ZDHHC21: variants seen among roughly 807,000 people sequenced by gnomAD.
ZDHHC21 encodes the protein palmitoyltransferase ZDHHC21.
In ZDHHC21, 15 loss-of-function variants were observed where a neutral mutation model predicts 34.6. That is an observed-to-expected ratio of 0.43 (90% CI 0.29 to 0.67). ZDHHC21 has a LOEUF of 0.67. Ranked by LOEUF, ZDHHC21 falls within the 30% of genes least tolerant of loss-of-function variation. The pLI is 0.14. For synonymous variants in ZDHHC21, 142 were observed against 101.8 expected (o/e 1.40, Z -2.38); for missense variants, 344 against 327.7 (o/e 1.05, Z -0.38).
intron 7 of ZDHHC21, among the ~76,000 whole-genome samples, chr9:14,641,756 C>G (rs543652059): frequency 6.6e-6 from 1 of 152,174 alleles, no homozygotes. Flanking sequence ...AAGAAAACTT[C>G]AGGTCTTTCT....
At chr9:14,607,071 G>A (rs1008873849), downstream of ZDHHC21, among the ~76,000 whole-genome samples, 2 of 115,658 alleles carry the variant, frequency 1.7e-5, no homozygotes, top group African/African-American at 3.7e-5. Context: ...CCATAGCACT[G>A]TTACTAATAG....
chr9:14,600,261 T>C, the ZDHHC21 span, among the ~76,000 whole-genome samples: 271 of 152,292 alleles, frequency 1.8e-3, 1 homozygote, highest in African/African-American at 6.1e-3. Context: ...AAAACCCCAT[T>C]GACTCAGCCC....
At chr9:14,672,418 A>G (rs947103638) in intron 5 of ZDHHC21, among the ~76,000 whole-genome samples, 1 of 152,118 alleles carries the variant, frequency 6.6e-6, no homozygotes, top group Non-Finnish European at 1.5e-5. Context: ...ATTCGTAACA[A>G]AGGTGAATAA....
At chr9:14,639,847 A>G (rs878879629) in intron 8 of ZDHHC21, 49 bp downstream of exon 8, 1 of 1,090,928 alleles carries the variant, frequency 9.2e-7, no homozygotes. Context: ...TACATTCATA[A>G]TTAGGTAATA....
At chr9:14,630,986 T>C (rs1251675380) in intron 8 of ZDHHC21, among the ~76,000 whole-genome samples, 3 of 152,212 alleles carry the variant, frequency 2.0e-5, no homozygotes, top group Non-Finnish European at 4.4e-5. Flanking sequence ...GAATGGCAAA[T>C]GAGCACTGGC....
chr9:14,629,845 G>A (rs567030031), intron 8 of ZDHHC21, among the ~76,000 whole-genome samples: 4 of 152,176 alleles, frequency 2.6e-5, no homozygotes, highest in East Asian at 1.9e-4. Flanking sequence ...TCAAGCGATC[G>A]ATACCATCCT....
chr9:14,668,156 C>T (rs1043558955), intron 5 of ZDHHC21, among the ~76,000 whole-genome samples: 1 of 114,040 alleles, frequency 8.8e-6, no homozygotes, highest in Non-Finnish European at 1.8e-5. Flanking sequence ...AGCAAAGTCT[C>T]AGGATACAAA....
At chr9:14,602,793 T>A in the ZDHHC21 span, among the ~76,000 whole-genome samples, 8 of 151,944 alleles carry the variant, frequency 5.3e-5, no homozygotes, top group African/African-American at 1.7e-4. Context: ...CACAGTGAAT[T>A]GCACTTATAA....
intron 2 of ZDHHC21, among the ~76,000 whole-genome samples, chr9:14,686,976 A>G (rs1204510617): frequency 1.2e-5 from 1 of 82,410 alleles, no homozygotes; most frequent in Non-Finnish European, 3.1e-5. Context: ...TCATCTCAAA[A>G]AAACAAAAAA....
At chr9:14,591,979 C>A in the ZDHHC21 span, among the ~76,000 whole-genome samples, 1 of 152,010 alleles carries the variant, frequency 6.6e-6, no homozygotes, top group Non-Finnish European at 1.5e-5. Flanking sequence ...ATAGTTGGAT[C>A]TTGCTTTTTA....
the ZDHHC21 span, among the ~76,000 whole-genome samples, chr9:14,603,017 C>T: frequency 2.1e-5 from 3 of 145,764 alleles, no homozygotes; most frequent in East Asian, 6.1e-4. Flanking sequence ...TCACAGAAAA[C>T]AGGTCCGCGT....
At chr9:14,641,485 A>C (rs975370118) in intron 7 of ZDHHC21, among the ~76,000 whole-genome samples, 2 of 152,248 alleles carry the variant, frequency 1.3e-5, no homozygotes, top group Non-Finnish European at 2.9e-5. Flanking sequence ...GACCATGGCA[A>C]TCATTCTTAT....
At chr9:14,639,484 G>A (rs1828927845) in intron 8 of ZDHHC21, among the ~76,000 whole-genome samples, 1 of 152,000 alleles carries the variant, frequency 6.6e-6, no homozygotes, top group Non-Finnish European at 1.5e-5. Flanking sequence ...ATATTTTAAA[G>A]TAACTAGCAC....
At position 14,613,498 on chromosome 9, in the gene ZDHHC21, T is replaced by C. The variant is rs748316931; in HGVS notation, c.*5468A>G. The C allele has an allele frequency of 3.3e-5, 5 of 151,684 alleles. No individual in the cohort carries two copies. The highest frequency in any genetic ancestry group is 7.3e-5 in the African/African-American group (3 of 41,378). The allele number at this position is 151,684 out of a possible 1,614,324, so 9.4% of individuals were successfully genotyped here. On this transcript the variant is annotated 3_prime_UTR_variant, in exon 10 of 10. Transcript: ENST00000380916. ...CTTTAGTTAACAGCCTGCAAACAAT[T>C]AAACCCTGTATTTGGTCAAACAGGC... is the stretch of plus-strand genomic sequence containing the variant.
chr9:14,645,955 T>C (rs953151047), intron 7 of ZDHHC21, among the ~76,000 whole-genome samples: 2 of 152,254 alleles, frequency 1.3e-5, no homozygotes, highest in South Asian at 4.1e-4. Flanking sequence ...ACTCTACTGG[T>C]AGGAGTTTAA....
the ZDHHC21 span, among the ~76,000 whole-genome samples, chr9:14,592,722 C>T: frequency 6.6e-6 from 1 of 152,098 alleles, no homozygotes; most frequent in Admixed American, 6.5e-5. Flanking sequence ...ACATGTTCTT[C>T]TCAAGCACAT....
intron 6 of ZDHHC21, 86 bp downstream of exon 6, chr9:14,662,129 T>A: frequency 1.2e-6 from 1 of 821,984 alleles, no homozygotes; most frequent in East Asian, 2.8e-5. Flanking sequence ...AACTTTAACA[T>A]AACTGTTGTT....
Position 14,661,081 on chromosome 9 carries a change from T to C in ZDHHC21, c.365+1134A>G, listed in dbSNP as rs568167150. Reference sequence around the variant, plus strand: ...TTACGTTTAAATTCAAGGCACAGTTTTGAATATCAACTATATGTCATACAC... The same window carrying C: ...TTACGTTTAAATTCAAGGCACAGTTCTGAATATCAACTATATGTCATACAC... On this transcript the variant is annotated intron_variant, in intron 6 of 9. Transcript: ENST00000380916. 2.9e-4 allele frequency among the ~76,000 whole-genome samples: 44 copies of C among 152,318 alleles called. No homozygotes were observed. In the South Asian group the frequency reaches 8.5e-3, roughly 29 times the overall value.
chr9:14,625,027 T>C lies in ZDHHC21; in HGVS notation c.622-5345A>G, dbSNP rs148949632. ...TGCTTTATCTATTACTAATTTATATTAATTCTAAGAAAGACTTTCATTTCA... is the reference window on the plus strand; with the variant it reads ...TGCTTTATCTATTACTAATTTATATCAATTCTAAGAAAGACTTTCATTTCA... On this transcript the variant is annotated intron_variant, in intron 8 of 9. Transcript: ENST00000380916. Among the ~76,000 whole-genome samples, 1,284 of 152,192 alleles carry C rather than the reference T, an allele frequency of 8.4e-3. 5 individuals are homozygous for C. The highest frequency in any genetic ancestry group is 0.014 in the Non-Finnish European group (928 of 67,964).
Sources: gnomAD v4.1 joint callset for allele counts (sites outside exome capture counted in the v4.1 genomes callset) on GRCh38, gnomAD v4.1.1 for gene constraint, MANE v1.5 for transcripts, NCBI Gene and HGNC (gene_info 2026-07-23, HGNC 2026-07-21) for gene names.